Variants in EHBP1 observed in about 807,000 individuals in gnomAD.
EHBP1 encodes EH domain binding protein 1, also known as EH domain-binding protein 1.
In EHBP1, 55 loss-of-function variants were observed where a neutral mutation model predicts 144.0. The observed-to-expected ratio is 0.38, with a 90% CI of 0.31 to 0.48. EHBP1 has a LOEUF of 0.48. Among genes scored for constraint, EHBP1 ranks in the 20% least tolerant of loss-of-function variants. The pLI is 0.98. For missense variants in EHBP1, 1,200 were observed against 1,364.2 expected (o/e 0.88, Z 1.90); for synonymous variants, 469 against 472.7 (o/e 0.99, Z 0.10).
intron 6 of EHBP1, among the ~76,000 whole-genome samples, chr2:62,828,823 A>G (rs567663966): frequency 1.3e-5 from 2 of 152,344 alleles, no homozygotes; most frequent in South Asian, 4.1e-4. Context: ...AGGAAACCAT[A>G]CTTTAATTCC....
intron 5 of EHBP1, among the ~76,000 whole-genome samples, chr2:62,820,313 TCA>T (rs990565890): frequency 3.3e-5 from 5 of 151,736 alleles, no homozygotes; most frequent in African/African-American, 4.8e-5. Context: ...GTAAAAAGAC[TCA>T]CAATACTGTA....
intron 21 of EHBP1, chr2:63,044,856 T>A (rs1365613874): frequency 2.0e-6 from 1 of 495,984 alleles, no homozygotes; most frequent in African/African-American, 1.9e-5. Context: ...GCTGCAGCCA[T>A]CTCCATTCAC....
chr2:62,844,907 G>C (rs1462462417), intron 7 of EHBP1, among the ~76,000 whole-genome samples: 1 of 152,132 alleles, frequency 6.6e-6, no homozygotes, highest in Non-Finnish European at 1.5e-5. Context: ...AAGGATATTG[G>C]ATAGGAAACA....
At chr2:62,896,199 A>G (rs980976215) in intron 10 of EHBP1, among the ~76,000 whole-genome samples, 7 of 152,208 alleles carry the variant, frequency 4.6e-5, no homozygotes, top group Non-Finnish European at 4.4e-5. Context: ...TAAGGAGACA[A>G]CAGTAAGGGA....
intron 5 of EHBP1, among the ~76,000 whole-genome samples, chr2:62,800,527 G>T (rs2043903729): frequency 6.6e-6 from 1 of 152,074 alleles, no homozygotes; most frequent in Non-Finnish European, 1.5e-5. Context: ...ACTGGCAGTT[G>T]TCTGGAGACT....
chr2:62,913,376 G>T (rs2054367665), intron 10 of EHBP1, among the ~76,000 whole-genome samples: 2 of 152,026 alleles, frequency 1.3e-5, no homozygotes, highest in Admixed American at 1.3e-4. Context: ...TTTCACTGAG[G>T]ACAACAAAAA....
chr2:62,949,189 A>G, intron 13 of EHBP1, 27 bp downstream of exon 13: 2 of 1,482,560 alleles, frequency 1.3e-6, no homozygotes, highest in Non-Finnish European at 1.8e-6. Flanking sequence ...GCTGAATACT[A>G]TATTTAGTAA....
rs867165268 is a variant in EHBP1, at chr2:62,999,141, G to T, written c.3103+2375G>T. On this transcript the variant is annotated intron_variant, in intron 19 of 22. Coordinates refer to ENST00000431489, the MANE Select transcript of EHBP1 (RefSeq NM_001142616.3). Reference sequence around the variant, plus strand: ...AGACTGAGGCTCAGACAGGGGAAATGACTCACTTAAGATGATCTCATTAGG... The same window carrying T: ...AGACTGAGGCTCAGACAGGGGAAATTACTCACTTAAGATGATCTCATTAGG... 5.9e-5 allele frequency among the ~76,000 whole-genome samples: 9 copies of T among 152,114 alleles called. No homozygotes were observed. The South Asian group carries it at 1.5e-3, about 25-fold the overall frequency.
intron 10 of EHBP1, among the ~76,000 whole-genome samples, chr2:62,924,864 A>G (rs2055368168): frequency 6.6e-6 from 1 of 152,238 alleles, no homozygotes; most frequent in South Asian, 2.1e-4. Context: ...GGCCAGCATA[A>G]CATTGACATC....
intron 15 of EHBP1, among the ~76,000 whole-genome samples, chr2:62,980,462 G>A (rs1397088324): frequency 6.6e-6 from 1 of 152,156 alleles, no homozygotes; most frequent in African/African-American, 2.4e-5. Context: ...CTGCCTAAGA[G>A]GGCCAAAACA....
chr2:62,865,904 C>T (rs185412323), intron 9 of EHBP1, among the ~76,000 whole-genome samples: 3 of 152,208 alleles, frequency 2.0e-5, no homozygotes, highest in African/African-American at 4.8e-5. Flanking sequence ...AGAAGAGGTA[C>T]GGAATTTATA....
intron 18 of EHBP1, 89 bp from the exon 19 acceptor site, chr2:62,996,554 T>C (rs1026208024): frequency 4.5e-6 from 7 of 1,540,986 alleles, no homozygotes; most frequent in Middle Eastern, 2.0e-4. Flanking sequence ...TTTGGTTCTC[T>C]AGGTAAGTGC....
chr2:62,915,730 A>G (rs2054562409), intron 10 of EHBP1, among the ~76,000 whole-genome samples: 1 of 152,044 alleles, frequency 6.6e-6, no homozygotes, highest in African/African-American at 2.4e-5. Context: ...TTTTTTTAAA[A>G]TAATTGTTAA....
chr2:62,782,687 T>C (rs2042524973), intron 5 of EHBP1, among the ~76,000 whole-genome samples: 1 of 152,100 alleles, frequency 6.6e-6, no homozygotes, highest in African/African-American at 2.4e-5. Context: ...AAGAACAGTA[T>C]GGGGGAAACT....
In EHBP1 at chr2:62,684,668, T is replaced by A. The variant is rs191601929; in HGVS notation, c.-296+10585T>A. On this transcript the variant is annotated intron_variant, in intron 1 of 22. Coordinates refer to the EHBP1 transcript ENST00000405015. ...TGTGCTTTAAAACAAGCATTTGTAT[T>A]TTTTCATGCTAAAAAATATTAAAGC... 3.1e-3 allele frequency among the ~76,000 whole-genome samples: 475 copies of A among 152,312 alleles called. 2 individuals carry two copies. The highest frequency in any genetic ancestry group is 0.011 in the African/African-American group (444 of 41,558).
intron 19 of EHBP1, among the ~76,000 whole-genome samples, chr2:63,023,449 G>C (rs2060843396): frequency 6.6e-6 from 1 of 152,180 alleles, no homozygotes; most frequent in African/African-American, 2.4e-5. Flanking sequence ...AAAAATGAAA[G>C]TATGTAAGTT....
rs76388081 is a variant in EHBP1, at chr2:62,740,483, A to G, written c.105-6912A>G. Among the ~76,000 whole-genome samples the G allele has an allele frequency of 1.3e-3, 195 of 152,324 alleles. 4 individuals carry two copies. The East Asian group carries it at 0.036, about 28-fold the overall frequency. ...TACCTACTGAAGGATAAAAATAATTACTTGAGAAAAAGTAAAGTTAGAGTA... is the reference window on the plus strand; with the variant it reads ...TACCTACTGAAGGATAAAAATAATTGCTTGAGAAAAAGTAAAGTTAGAGTA... On this transcript the variant is annotated intron_variant, in intron 2 of 22. Coordinates refer to ENST00000431489, the MANE Select transcript of EHBP1 (RefSeq NM_001142616.3).
chr2:62,881,243 G>A (rs1441646683), intron 10 of EHBP1, among the ~76,000 whole-genome samples: 1 of 151,856 alleles, frequency 6.6e-6, no homozygotes, highest in African/African-American at 2.4e-5. Flanking sequence ...CCTACTTGTG[G>A]GTGGAGGGTG....
At chr2:63,026,711 A>G (rs1025062119) in intron 19 of EHBP1, among the ~76,000 whole-genome samples, 7 of 152,192 alleles carry the variant, frequency 4.6e-5, no homozygotes, top group Non-Finnish European at 8.8e-5. Context: ...CAAGAAGTGA[A>G]CAGGTCTCGT....
Sources: gnomAD v4.1 joint callset for allele counts (sites outside exome capture counted in the v4.1 genomes callset) on GRCh38, gnomAD v4.1.1 for gene constraint, MANE v1.5 for transcripts, NCBI Gene and HGNC (gene_info 2026-07-23, HGNC 2026-07-21) for gene names.